TP53BP1: variants seen among roughly 807,000 people sequenced by gnomAD.
The protein encoded by TP53BP1 is tumor protein p53 binding protein 1, also known as TP53-binding protein 1.
A neutral mutation model predicts 200.8 loss-of-function variants in TP53BP1; 61 were observed. The observed-to-expected ratio is 0.30, with a 90% CI of 0.25 to 0.38. The LOEUF (loss-of-function observed/expected upper bound fraction) is 0.38. Ranked by LOEUF, TP53BP1 falls within the 10% of genes least tolerant of loss-of-function variation. The pLI is 1.00. For missense variants in TP53BP1, 2,144 were observed against 2,371.9 expected (o/e 0.90, Z 2.00); for synonymous variants, 822 against 844.3 (o/e 0.97, Z 0.46).
chr15:43,435,584 T>C (rs555070808), intron 16 of TP53BP1, among the ~76,000 whole-genome samples: 1 of 152,304 alleles, frequency 6.6e-6, no homozygotes, highest in Non-Finnish European at 1.5e-5. Flanking sequence ...CCCAAGAATA[T>C]CAACAAGCTC....
chr15:43,479,737 C>T, intron 6 of TP53BP1, 122 bp downstream of exon 6: 1 of 1,319,118 alleles, frequency 7.6e-7, no homozygotes, highest in Non-Finnish European at 1.0e-6. Flanking sequence ...ACTCTTCAAC[C>T]TTACTAAATT....
At chr15:43,464,150 C>T (rs905143177) in intron 11 of TP53BP1, among the ~76,000 whole-genome samples, 1 of 152,328 alleles carries the variant, frequency 6.6e-6, no homozygotes, top group Middle Eastern at 3.4e-3. Flanking sequence ...ATATTTCACT[C>T]TTGAACATCA....
At chr15:43,496,397 A>G (rs2444251), upstream of TP53BP1, among the ~76,000 whole-genome samples, 69,905 of 151,956 alleles carry the variant, frequency 0.46, 20,886 homozygotes, top group African/African-American at 0.85. Flanking sequence ...AAATCTAAAT[A>G]CTATATGACT....
chr15:43,432,435 C>T lies in TP53BP1; in HGVS notation c.3434G>A (p.Ser1145Asn), dbSNP rs1342778773. The T allele has an allele frequency of 6.2e-7, 1 of 1,614,152 alleles. No homozygotes were observed. The highest frequency in any genetic ancestry group is 8.5e-7 in the Non-Finnish European group (1 of 1,180,004). The change falls in exon 17 of 28, where the codon AGT becomes AAT. Residue 1145 changes from serine (S) to asparagine (N), a missense_variant. Around this residue, in one of 4 missense-constraint regions of TP53BP1, gnomAD observed 1,700 missense variants for 1,710.3 expected, o/e 0.99. Transcript: ENST00000382044. Reference sequence around the variant, plus strand: ...GCTGGGCCTTTCAATCAAGGCCTTACTAGGATTTTCCTTATTAGTACTCCG... The same window carrying T: ...GCTGGGCCTTTCAATCAAGGCCTTATTAGGATTTTCCTTATTAGTACTCCG... ...EGRSTNKENP[S>N]KALIERPSQN...
rs45543833 is a variant in TP53BP1 at position 43,410,694 on chromosome 15, G to A, written c.5306-953C>T. On this transcript the variant is annotated intron_variant, in intron 24 of 27. Transcript: ENST00000382044. ...AATCCAGTGCATAAGGTTCAATGCC[G>A]GTACCACTCCCCTTCCCCTTCACAC... Among the ~76,000 whole-genome samples the A allele has an allele frequency of 9.4e-3, 1,424 of 152,092 alleles. 19 individuals carry two copies. Among genetic ancestry groups the A allele is most frequent in the African/African-American group, 0.03 (1,258 of 41,522 alleles).
chr15:43,505,107 A>T (rs1483287501), intron 1 of TP53BP1, among the ~76,000 whole-genome samples: 1 of 152,186 alleles, frequency 6.6e-6, no homozygotes, highest in Non-Finnish European at 1.5e-5. Flanking sequence ...AGGGCATATT[A>T]TGAAGGATCT....
intron 16 of TP53BP1, among the ~76,000 whole-genome samples, chr15:43,436,091 G>C (rs574897261): frequency 6.6e-6 from 1 of 151,578 alleles, no homozygotes; most frequent in Admixed American, 6.6e-5. Context: ...TCCTGGGCTC[G>C]AGCCATTCTC....
intron 10 of TP53BP1, among the ~76,000 whole-genome samples, chr15:43,474,455 C>CAA (rs398043214): frequency 0.28 from 21,990 of 79,026 alleles, 4,219 homozygotes; most frequent in African/African-American, 0.53. Context: ...TGGGGTTAGA[C>CAA]AAAAAAAAAA....
chr15:43,481,146 C>A, intron 4 of TP53BP1, 124 bp from the exon 5 acceptor site: 1 of 996,944 alleles, frequency 1.0e-6, no homozygotes. Context: ...AAATACCTCA[C>A]CTTTATAGTG....
chr15:43,480,275 C>A (rs565833507), intron 5 of TP53BP1, among the ~76,000 whole-genome samples: 19 of 152,138 alleles, frequency 1.2e-4, no homozygotes, highest in African/African-American at 4.6e-4. Context: ...TGGTGAAACC[C>A]CATCTCTACT....
At chr15:43,490,015 T>C (rs1183341710) in intron 4 of TP53BP1, among the ~76,000 whole-genome samples, 2 of 152,138 alleles carry the variant, frequency 1.3e-5, no homozygotes, top group Non-Finnish European at 2.9e-5. Flanking sequence ...CAGGCTCAAG[T>C]GATCCTTCTA....
chr15:43,503,866 G>C (rs766560066), intron 1 of TP53BP1, among the ~76,000 whole-genome samples: 5 of 152,138 alleles, frequency 3.3e-5, no homozygotes, highest in Non-Finnish European at 7.3e-5. Context: ...AGAAAAAAAG[G>C]GTGGTTGGTT....
At chr15:43,419,430 G>A (rs1385371892) in intron 21 of TP53BP1, among the ~76,000 whole-genome samples, 1 of 151,528 alleles carries the variant, frequency 6.6e-6, no homozygotes, top group Admixed American at 6.6e-5. Context: ...CATGATCATA[G>A]CTCACTGTGG....
chr15:43,442,874 G>A (rs2045962366), intron 14 of TP53BP1, among the ~76,000 whole-genome samples: 1 of 133,180 alleles, frequency 7.5e-6, no homozygotes, highest in African/African-American at 2.8e-5. Flanking sequence ...TGCTCAGGCT[G>A]GAGTGCAGTG....
At chr15:43,493,843 G>A (rs2079161788), upstream of TP53BP1, among the ~76,000 whole-genome samples, 1 of 152,198 alleles carries the variant, frequency 6.6e-6, no homozygotes, top group African/African-American at 2.4e-5. Context: ...ATTGCCTGCA[G>A]AGACTACAGC....
In TP53BP1 at chr15:43,493,087, G is replaced by A. The variant is rs757646307; in HGVS notation, c.-44C>T. 1.9e-6 allele frequency: 3 copies of A among 1,610,736 alleles called. No homozygotes were observed. In the South Asian group the frequency reaches 3.3e-5, roughly 18 times the overall value. On this transcript the variant is annotated 5_prime_UTR_variant, in exon 1 of 28. Coordinates refer to ENST00000382044, the MANE Select transcript of TP53BP1 (RefSeq NM_001141980.3). ...GCGCTCGAGCTAGAGGTCTCTGCAC[G>A]CTCCCCAAGTCCCTCCAGATCGATC...
intron 16 of TP53BP1, among the ~76,000 whole-genome samples, chr15:43,436,167 T>A (rs2045793397): frequency 6.6e-6 from 1 of 152,114 alleles, no homozygotes; most frequent in African/African-American, 2.4e-5. Context: ...AATTTTGTAC[T>A]TTTTGTAGAG....
rs147350412 is a variant in TP53BP1 at position 43,420,931 on chromosome 15, CCCT to C, written c.4250+91_4250+93del. 8.3e-4 allele frequency: 1,231 copies of C among 1,486,040 alleles called. 19 individuals carry two copies. In the East Asian group the frequency reaches 0.024, roughly 29 times the overall value. 92.1% of individuals were successfully genotyped at this position (1,486,040 alleles called of 1,614,324 possible). A position where few individuals can be genotyped will look rare whatever the true frequency, so the allele number is the denominator to read the frequency against. ...CCCCAGTCAGTATGGCCCCTCTTCT[CCCT>C]CCTGACACCCCACAAACTCTCTACT... On this transcript the variant is annotated intron_variant, in intron 20 of 27. Transcript: ENST00000382044.
At chr15:43,469,272 A>G (rs2046663413) in intron 11 of TP53BP1, among the ~76,000 whole-genome samples, 1 of 152,182 alleles carries the variant, frequency 6.6e-6, no homozygotes, top group African/African-American at 2.4e-5. Flanking sequence ...AAAACTAAAA[A>G]CCATCTTGAT....
Sources: allele counts gnomAD v4.1 joint callset (sites outside exome capture counted in the v4.1 genomes callset), GRCh38; gene constraint gnomAD v4.1.1; regional missense constraint gnomAD v4.1.1; transcripts MANE v1.5; gene names NCBI Gene and HGNC (gene_info 2026-07-23, HGNC 2026-07-21).